Variants in VRK2 observed in about 807,000 individuals in gnomAD.
VRK2 encodes the protein serine/threonine-protein kinase VRK2.
VRK2 carries 60 observed loss-of-function variants against 57.6 expected under a neutral mutation model. The ratio of observed to expected loss-of-function variants is 1.04; its 90% CI spans 0.85 to 1.29. VRK2 has a LOEUF of 1.29. Among genes scored for constraint, VRK2 ranks in the 50% most tolerant of loss-of-function variants. The pLI, the probability that VRK2 is intolerant of heterozygous loss-of-function variation, is 0.00. For synonymous variants in VRK2, 231 were observed against 199.2 expected (o/e 1.16, Z -1.35); for missense variants, 705 against 588.1 (o/e 1.20, Z -2.06).
intron 12 of VRK2, 184 bp from the exon 13 acceptor site, chr2:58,159,165 T>C (rs1684609691): frequency 2.1e-6 from 1 of 483,616 alleles, no homozygotes; most frequent in East Asian, 3.2e-5. Flanking sequence ...TGTTGGATGT[T>C]TATAAACTCT....
intron 2 of VRK2, among the ~76,000 whole-genome samples, chr2:58,031,092 C>T (rs982694782): frequency 2.0e-5 from 3 of 152,054 alleles, no homozygotes; most frequent in African/African-American, 7.2e-5. Flanking sequence ...TCCTGACCCA[C>T]AGAATATGTG....
intron 12 of VRK2, among the ~76,000 whole-genome samples, chr2:58,157,632 C>G (rs554926974): frequency 5.9e-5 from 9 of 152,166 alleles, no homozygotes; most frequent in African/African-American, 1.9e-4. Context: ...CTCAGAAATA[C>G]AGAATCTCAG....
intron 3 of VRK2, 140 bp from the exon 4 acceptor site, chr2:58,084,741 C>A: frequency 1.9e-6 from 1 of 519,558 alleles, no homozygotes; most frequent in Non-Finnish European, 3.3e-6. Context: ...TAGTGGAAAT[C>A]TGGTGCCTAT....
intron 1 of VRK2, among the ~76,000 whole-genome samples, chr2:58,023,709 T>A (rs1029766361): frequency 6.6e-6 from 1 of 152,206 alleles, no homozygotes; most frequent in South Asian, 2.1e-4. Context: ...CGTCTTTAGA[T>A]AGCAGTCAAA....
chr2:57,912,987 G>A (rs1670036304), intron 1 of VRK2, among the ~76,000 whole-genome samples: 1 of 152,158 alleles, frequency 6.6e-6, no homozygotes, highest in Middle Eastern at 3.2e-3. Flanking sequence ...AAGAAGACAA[G>A]CTGTCTATGA....
At chr2:57,930,964 T>C (rs56796021) in intron 1 of VRK2, among the ~76,000 whole-genome samples, 16,005 of 152,176 alleles carry the variant, frequency 0.11, 1,010 homozygotes, top group African/African-American at 0.17. Flanking sequence ...TACATATACA[T>C]GTACTGAGTA....
rs559592760 is a variant in VRK2, at chr2:57,917,085, C to T, written c.-439+9246C>T. Among the ~76,000 whole-genome samples, 101 of 152,154 alleles carry T rather than the reference C, an allele frequency of 6.6e-4. 2 individuals carry two copies. The South Asian group carries it at 0.021, about 31-fold the overall frequency. On this transcript the variant is annotated intron_variant, in intron 1 of 15. Coordinates refer to the VRK2 transcript ENST00000417641. ...CTAATTAGGGAAACAGATATTATCC[C>T]CTAAAATTTGCTAAAATTTGGTCAG... is the stretch of plus-strand genomic sequence containing the variant.
chr2:58,040,315 T>A (rs1369862349), intron 3 of VRK2, among the ~76,000 whole-genome samples: 1 of 152,154 alleles, frequency 6.6e-6, no homozygotes, highest in Non-Finnish European at 1.5e-5. Context: ...ATATAACAGG[T>A]AACAGAAGGG....
intron 7 of VRK2, among the ~76,000 whole-genome samples, chr2:58,114,679 G>A (rs1043291995): frequency 5.3e-5 from 8 of 151,476 alleles, no homozygotes; most frequent in African/African-American, 2.0e-4. Flanking sequence ...GACCATAAGG[G>A]ATATAAAGGT....
At chr2:58,005,910 C>G (rs754690043) in intron 1 of VRK2, among the ~76,000 whole-genome samples, 1 of 152,144 alleles carries the variant, frequency 6.6e-6, no homozygotes, top group Non-Finnish European at 1.5e-5. Context: ...CTAACCTCCT[C>G]TAAGGGGATT....
intron 1 of VRK2, among the ~76,000 whole-genome samples, chr2:58,006,878 T>C (rs535016079): frequency 2.0e-5 from 3 of 152,186 alleles, no homozygotes; most frequent in Non-Finnish European, 4.4e-5. Flanking sequence ...ATTTGAGTCA[T>C]AGAAATGGAG....
intron 2 of VRK2, among the ~76,000 whole-genome samples, chr2:58,050,870 A>C (rs958391018): frequency 1.3e-5 from 2 of 151,332 alleles, no homozygotes; most frequent in Non-Finnish European, 2.9e-5. Context: ...TTTGAGACAG[A>C]GTCTCGCTCT....
chr2:58,147,798 GTGT>G (rs1275589080), intron 12 of VRK2, among the ~76,000 whole-genome samples: 5 of 110,190 alleles, frequency 4.5e-5, no homozygotes, highest in Admixed American at 2.6e-4. Flanking sequence ...CTTTCACTCA[GTGT>G]TTTTTTTTTT....
chr2:57,970,390 G>A (rs973205401), intron 1 of VRK2, among the ~76,000 whole-genome samples: 46 of 151,292 alleles, frequency 3.0e-4, no homozygotes, highest in Admixed American at 5.3e-4. Flanking sequence ...AAAAACAAAT[G>A]TAAAAGAATT....
chr2:58,159,719 AATTTTTT>A lies in VRK2; in HGVS notation c.*28_*34del, dbSNP rs777591674. ...AGATGATACCAAAATTCCTTTTGAT[AATTTTTT>A]AAGTTTCCAGCTCTTCACCGAAATG... On this transcript the variant is annotated 3_prime_UTR_variant, in exon 13 of 13. Coordinates refer to ENST00000340157, the MANE Select transcript of VRK2 (RefSeq NM_006296.7). 1.5e-5 allele frequency: 24 copies of A among 1,612,042 alleles called. No individual in the cohort carries two copies. The South Asian group carries it at 2.6e-4, about 18-fold the overall frequency.
chr2:58,018,221 G>A (rs1206082645), intron 1 of VRK2: 8 of 152,150 alleles, frequency 5.3e-5, no homozygotes. Context: ...TCGAACTCTT[G>A]ACCTCAGGTG....
intron 2 of VRK2, among the ~76,000 whole-genome samples, chr2:58,082,706 ATAACT>A (rs952610910): frequency 3.3e-5 from 5 of 151,984 alleles, no homozygotes; most frequent in Non-Finnish European, 7.4e-5. Context: ...TAAAAATGAA[ATAACT>A]TAACATGAAT....
chr2:58,060,364 G>T lies in VRK2; in HGVS notation c.136+11397G>T, dbSNP rs140587114. Among the ~76,000 whole-genome samples, 382 of 151,928 alleles carry T rather than the reference G, an allele frequency of 2.5e-3. 2 individuals carry two copies. Among genetic ancestry groups the T allele is most frequent in the African/African-American group, 8.6e-3 (356 of 41,524 alleles). On this transcript the variant is annotated intron_variant, in intron 2 of 12. Transcript: ENST00000340157. ...AATAAAGAACTGCTGTAAAAAATAA[G>T]TATTTTTTTGGGGAGGGGAGCACTT...
chr2:57,945,375 A>AC (rs1323402391), intron 1 of VRK2, among the ~76,000 whole-genome samples: 1 of 152,096 alleles, frequency 6.6e-6, no homozygotes, highest in African/African-American at 2.4e-5. Flanking sequence ...TCTTGCCTAG[A>AC]TCGAGTCTAT....
Sources: allele counts gnomAD v4.1 joint callset (sites outside exome capture counted in the v4.1 genomes callset), GRCh38; gene constraint gnomAD v4.1.1; transcripts MANE v1.5; gene names NCBI Gene and HGNC (gene_info 2026-07-23, HGNC 2026-07-21).